The following SIPA1L1 variants were observed in gnomAD, a reference collection of about 807,000 sequenced individuals.
SIPA1L1 encodes the protein signal induced proliferation associated 1 like 1.
SIPA1L1 carries 26 observed loss-of-function variants against 162.7 expected under a neutral mutation model. That is an observed-to-expected ratio of 0.16 (90% CI 0.12 to 0.22). SIPA1L1 has a LOEUF of 0.22. SIPA1L1 is among the 10% of genes least tolerant of loss of function. The pLI is 1.00. For missense variants in SIPA1L1, 1,874 were observed against 2,241.0 expected, an observed-to-expected ratio of 0.84 and a Z score of 3.31; for synonymous variants, 829 against 837.4, an observed-to-expected ratio of 0.99 and a Z score of 0.17.
At chr14:71,577,208 G>A (rs2033183578) in intron 4 of SIPA1L1, among the ~76,000 whole-genome samples, 1 of 151,960 alleles carries the variant, frequency 6.6e-6, no homozygotes, top group African/African-American at 2.4e-5. Context: ...TTCTCTCACT[G>A]TATCCATATC....
intron 2 of SIPA1L1, among the ~76,000 whole-genome samples, chr14:71,421,751 T>C (rs2043201397): frequency 1.3e-5 from 2 of 152,194 alleles, no homozygotes; most frequent in South Asian, 4.1e-4. Context: ...GGATATAATA[T>C]TGGAGATGCA....
chr14:71,366,712 A>C (rs1032264158), intron 2 of SIPA1L1, among the ~76,000 whole-genome samples: 1 of 152,140 alleles, frequency 6.6e-6, no homozygotes, highest in Non-Finnish European at 1.5e-5. Flanking sequence ...CTGGGATTAC[A>C]GGCGTGTGGC....
chr14:71,601,984 T>C (rs2036822015), intron 5 of SIPA1L1, among the ~76,000 whole-genome samples: 1 of 152,038 alleles, frequency 6.6e-6, no homozygotes, highest in African/African-American at 2.4e-5. Flanking sequence ...AGTGGTTTAT[T>C]GATTGTATTT....
At chr14:71,658,021 T>C (rs1323517834) in intron 8 of SIPA1L1, among the ~76,000 whole-genome samples, 2 of 152,210 alleles carry the variant, frequency 1.3e-5, no homozygotes, top group African/African-American at 2.4e-5. Flanking sequence ...AATCTTGTTA[T>C]ATAAATCTTG....
intron 13 of SIPA1L1, among the ~76,000 whole-genome samples, chr14:71,689,874 T>C (rs1375783041): frequency 6.6e-6 from 1 of 152,098 alleles, no homozygotes; most frequent in East Asian, 1.9e-4. Context: ...CAGCACCATA[T>C]AGGGTGTGAA....
chr14:71,401,914 T>C (rs1258287945), intron 2 of SIPA1L1, among the ~76,000 whole-genome samples: 1 of 152,188 alleles, frequency 6.6e-6, no homozygotes, highest in Non-Finnish European at 1.5e-5. Context: ...AACATGCATT[T>C]TTATGTAGCA....
At chr14:71,694,368 G>T (rs1242138619) in intron 13 of SIPA1L1, among the ~76,000 whole-genome samples, 1 of 152,104 alleles carries the variant, frequency 6.6e-6, no homozygotes, top group Admixed American at 6.5e-5. Flanking sequence ...TTTCACTGCA[G>T]TGAAGTGCAT....
At chr14:71,495,434 A>G (rs1290708863) in intron 2 of SIPA1L1, among the ~76,000 whole-genome samples, 6 of 151,076 alleles carry the variant, frequency 4.0e-5, no homozygotes, top group African/African-American at 1.5e-4. Flanking sequence ...TTATATATTT[A>G]AAATATATTT....
intron 3 of SIPA1L1, among the ~76,000 whole-genome samples, chr14:71,517,120 TTAATC>T (rs1384159784): frequency 1.3e-5 from 2 of 152,100 alleles, no homozygotes; most frequent in African/African-American, 4.8e-5. Context: ...TTTATTTCGT[TTAATC>T]TAGTGTGTGC....
chr14:71,581,271 C>T (rs545576200), intron 4 of SIPA1L1, among the ~76,000 whole-genome samples: 35 of 152,204 alleles, frequency 2.3e-4, no homozygotes, highest in Non-Finnish European at 4.6e-4. Context: ...GCTTAAGAAA[C>T]CCTCCCACCT....
Position 71,740,277 on chromosome 14 carries a change from T to G in SIPA1L1, c.*1116T>G, listed in dbSNP as rs1278758234. 2 of 152,258 alleles carry G rather than the reference T, an allele frequency of 1.3e-5. No homozygotes were observed. The highest frequency in any genetic ancestry group is 4.8e-5 in the African/African-American group (2 of 41,464). 9.4% of individuals were successfully genotyped at this position (152,258 alleles called of 1,614,324 possible). A position where few individuals can be genotyped will look rare whatever the true frequency, so the allele number is the denominator to read the frequency against. ...AACCTGCATGTCCCAGTGTGAAATT[T>G]CAGCACGGCATTTTCTGCATCCTTT... On this transcript the variant is annotated 3_prime_UTR_variant, in exon 24 of 24. Transcript: ENST00000381232.
At chr14:71,669,051 A>T (rs2044278231) in intron 10 of SIPA1L1, among the ~76,000 whole-genome samples, 1 of 152,170 alleles carries the variant, frequency 6.6e-6, no homozygotes, top group African/African-American at 2.4e-5. Flanking sequence ...TGCCAGTTTG[A>T]TTTATCCAAA....
chr14:71,392,111 A>G (rs1011457312), intron 2 of SIPA1L1, among the ~76,000 whole-genome samples: 2 of 152,162 alleles, frequency 1.3e-5, no homozygotes, highest in Admixed American at 1.3e-4. Context: ...AAGCAAGAGG[A>G]AGCCAGAGAG....
chr14:71,550,207 G>A (rs2055681614), intron 4 of SIPA1L1, among the ~76,000 whole-genome samples: 1 of 152,114 alleles, frequency 6.6e-6, no homozygotes, highest in Non-Finnish European at 1.5e-5. Context: ...TTGTGATGAC[G>A]CTGCTGCACT....
intron 12 of SIPA1L1, 23 bp from the exon 13 acceptor site, chr14:71,685,339 T>C: frequency 6.2e-7 from 1 of 1,612,212 alleles, no homozygotes; most frequent in Non-Finnish European, 8.5e-7. Flanking sequence ...ATTGTGTTTC[T>C]CCCTGTGCCT....
chr14:71,367,463 C>T (rs1416706600), intron 2 of SIPA1L1, among the ~76,000 whole-genome samples: 5 of 151,752 alleles, frequency 3.3e-5, no homozygotes, highest in African/African-American at 7.3e-5. Flanking sequence ...CCCGCCACCG[C>T]GCCCGGCTAA....
At chr14:71,619,271 G>A (rs576353120) in intron 6 of SIPA1L1, among the ~76,000 whole-genome samples, 1 of 152,216 alleles carries the variant, frequency 6.6e-6, no homozygotes, top group South Asian at 2.1e-4. Flanking sequence ...GGCCACTGAA[G>A]ACTTAATTCA....
At chr14:71,706,426 T>C (rs2082442748) in intron 16 of SIPA1L1, among the ~76,000 whole-genome samples, 1 of 152,248 alleles carries the variant, frequency 6.6e-6, no homozygotes, top group African/African-American at 2.4e-5. Context: ...GTTTCTTTTC[T>C]ACTTTTTACT....
At chr14:71,441,977 G>T (rs1304567745) in intron 2 of SIPA1L1, among the ~76,000 whole-genome samples, 1 of 151,768 alleles carries the variant, frequency 6.6e-6, no homozygotes, top group East Asian at 1.9e-4. Context: ...TTCGAGACTA[G>T]CCTGGTCAGC....
Sources: allele counts gnomAD v4.1 joint callset (sites outside exome capture counted in the v4.1 genomes callset), GRCh38; gene constraint gnomAD v4.1.1; transcripts MANE v1.5; gene names NCBI Gene and HGNC (gene_info 2026-07-23, HGNC 2026-07-21).